Variants in RPSA2 observed in about 807,000 individuals in gnomAD.
RPSA2 encodes the protein ribosomal protein SA 2.
chr19:23,766,333 T>C, the RPSA2 span, among the ~76,000 whole-genome samples: 3 of 151,610 alleles, frequency 2.0e-5, no homozygotes, highest in Admixed American at 2.0e-4. Flanking sequence ...GTGTACCCTT[T>C]AAAAAATTAT....
chr19:23,790,550 A>G, the RPSA2 span, among the ~76,000 whole-genome samples: 2 of 152,054 alleles, frequency 1.3e-5, no homozygotes, highest in Admixed American at 1.3e-4. Context: ...CCAGTCAGCG[A>G]CATTGGACTG....
the RPSA2 span, among the ~76,000 whole-genome samples, chr19:23,841,763 T>C: frequency 0.01 from 1,530 of 152,338 alleles, 26 homozygotes; most frequent in African/African-American, 0.035. Context: ...GTCTGTGTAC[T>C]CCTTACACTC....
chr19:23,839,899 G>A, the RPSA2 span, among the ~76,000 whole-genome samples: 6 of 152,190 alleles, frequency 3.9e-5, no homozygotes, highest in African/African-American at 7.2e-5. Flanking sequence ...CAGTGGGGTC[G>A]TTGTGTTCAG....
the RPSA2 span, among the ~76,000 whole-genome samples, chr19:23,830,821 T>G: frequency 6.6e-6 from 1 of 152,132 alleles, no homozygotes; most frequent in African/African-American, 2.4e-5. Context: ...TGGGATCATA[T>G]TGCCCTATTT....
the RPSA2 span, among the ~76,000 whole-genome samples, chr19:23,839,437 C>T: frequency 2.1e-4 from 32 of 152,286 alleles, no homozygotes; most frequent in African/African-American, 7.7e-4. Context: ...AACCAAAAGG[C>T]TGGTCTCACA....
At chr19:23,768,743 A>C in the RPSA2 span, among the ~76,000 whole-genome samples, 1 of 148,724 alleles carries the variant, frequency 6.7e-6, no homozygotes, top group Non-Finnish European at 1.5e-5. Context: ...ACACACCACC[A>C]GGCCCATCTA....
the RPSA2 span, among the ~76,000 whole-genome samples, chr19:23,813,232 CAAAAAAAAA>C: frequency 8.3e-6 from 1 of 120,992 alleles, no homozygotes; most frequent in Admixed American, 9.0e-5. Context: ...GACCCTGTCT[CAAAAAAAAA>C]AAAAAAAAGT....
chr19:23,827,068 A>G, the RPSA2 span: 2 of 718,334 alleles, frequency 2.8e-6, no homozygotes, highest in Non-Finnish European at 5.0e-6. Flanking sequence ...ATTTGCTTAC[A>G]GTAACAATGC....
the RPSA2 span, among the ~76,000 whole-genome samples, chr19:23,767,967 G>T: frequency 6.6e-6 from 1 of 151,818 alleles, no homozygotes; most frequent in South Asian, 2.1e-4. Context: ...GGGTTTCACT[G>T]TGTTGGCCAG....
At chr19:23,842,099 A>G in the RPSA2 span, among the ~76,000 whole-genome samples, 1 of 152,186 alleles carries the variant, frequency 6.6e-6, no homozygotes, top group African/African-American at 2.4e-5. Context: ...TTTGTTTGCA[A>G]TATAGTAACT....
At chr19:23,834,205 A>T in the RPSA2 span, among the ~76,000 whole-genome samples, 2 of 152,108 alleles carry the variant, frequency 1.3e-5, no homozygotes, top group Non-Finnish European at 2.9e-5. Context: ...ACTTTAAAAG[A>T]AGTAGAATAT....
the RPSA2 span, among the ~76,000 whole-genome samples, chr19:23,797,173 G>A: frequency 1.3e-5 from 2 of 152,088 alleles, no homozygotes; most frequent in East Asian, 1.9e-4. Flanking sequence ...GCAATGGCAC[G>A]ATCTCAACTC....
the RPSA2 span, among the ~76,000 whole-genome samples, chr19:23,870,128 CTCA>C: frequency 1.3e-5 from 2 of 152,176 alleles, no homozygotes; most frequent in Non-Finnish European, 2.9e-5. Flanking sequence ...ACTAAACTTA[CTCA>C]TCATGCCTGT....
At chr19:23,840,803 A>AC in the RPSA2 span, among the ~76,000 whole-genome samples, 1 of 272 alleles carries the variant, frequency 3.7e-3, no homozygotes, top group African/African-American at 4.2e-3. Context: ...ACTAAAATAC[A>AC]AAAAAAAAAT....
chr19:23,775,740 T>A, the RPSA2 span, among the ~76,000 whole-genome samples: 1 of 152,202 alleles, frequency 6.6e-6, no homozygotes, highest in Admixed American at 6.5e-5. Flanking sequence ...CACCTATTAG[T>A]CTGTGATTCC....
At chr19:23,866,041 C>T in the RPSA2 span, among the ~76,000 whole-genome samples, 18 of 152,160 alleles carry the variant, frequency 1.2e-4, no homozygotes, top group Non-Finnish European at 2.2e-4. Context: ...AATCGCACCG[C>T]TCTTCAAGGA....
the RPSA2 span, among the ~76,000 whole-genome samples, chr19:23,773,209 G>T: frequency 2.0e-5 from 3 of 151,472 alleles, no homozygotes; most frequent in African/African-American, 7.3e-5. Context: ...CCATTGTTCT[G>T]CCTCAGCCAC....
chr19:23,864,268 A>G, the RPSA2 span, among the ~76,000 whole-genome samples: 1 of 152,140 alleles, frequency 6.6e-6, no homozygotes, highest in Non-Finnish European at 1.5e-5. Flanking sequence ...TCTGAAGTAA[A>G]CTCAAATTAC....
chr19:23,841,233 G>A, the RPSA2 span, among the ~76,000 whole-genome samples: 2 of 152,032 alleles, frequency 1.3e-5, no homozygotes, highest in Non-Finnish European at 2.9e-5. Flanking sequence ...GGGAGGCCGA[G>A]GCAGGCAGAT....
Sources: allele counts gnomAD v4.1 joint callset (sites outside exome capture counted in the v4.1 genomes callset), GRCh38; gene constraint gnomAD v4.1.1; transcripts MANE v1.5; gene names NCBI Gene and HGNC (gene_info 2026-07-23, HGNC 2026-07-21).